Variants in ATAD2B observed in about 807,000 individuals in gnomAD.
ATAD2B encodes the protein ATPase family AAA domain containing 2B, also known as ATPase family AAA domain-containing protein 2B.
Under a neutral mutation model 167.6 loss-of-function variants are expected in ATAD2B, and 40 were observed. The ratio of observed to expected loss-of-function variants is 0.24; its 90% confidence interval spans 0.19 to 0.31. The LOEUF is 0.31. Ranked by LOEUF, ATAD2B falls within the 10% of genes least tolerant of loss-of-function variation. The pLI, the probability that ATAD2B is intolerant of heterozygous loss-of-function variation, is 1.00. For synonymous variants in ATAD2B, 579 were observed against 596.5 expected (o/e 0.97, Z 0.43); for missense variants, 1,242 against 1,757.2 (o/e 0.71, Z 5.24).
intron 13 of ATAD2B, among the ~76,000 whole-genome samples, chr2:23,849,579 C>G (rs1558654396): frequency 6.6e-6 from 1 of 152,200 alleles, no homozygotes; most frequent in Non-Finnish European, 1.5e-5. Flanking sequence ...CGCCTGTAAT[C>G]CCAGCACTGC....
At chr2:23,752,392 T>C (rs1411092452) in intron 27 of ATAD2B, among the ~76,000 whole-genome samples, 3 of 149,388 alleles carry the variant, frequency 2.0e-5, no homozygotes, top group Admixed American at 1.3e-4. Flanking sequence ...ATAAGGATGA[T>C]GATAGCAACA....
downstream of ATAD2B, among the ~76,000 whole-genome samples, chr2:23,744,708 C>T (rs1224452884): frequency 2.0e-5 from 3 of 152,116 alleles, no homozygotes; most frequent in Non-Finnish European, 2.9e-5. Flanking sequence ...CAAATTCAGA[C>T]AGTCTGACTC....
chr2:23,866,703 G>A (rs1695189901), intron 10 of ATAD2B, among the ~76,000 whole-genome samples: 1 of 151,984 alleles, frequency 6.6e-6, no homozygotes, highest in Non-Finnish European at 1.5e-5. Flanking sequence ...AATAAGATAA[G>A]CATTTTCCTC....
chr2:23,796,622 C>A (rs1476019902), intron 19 of ATAD2B, among the ~76,000 whole-genome samples: 1 of 152,052 alleles, frequency 6.6e-6, no homozygotes, highest in Admixed American at 6.6e-5. Context: ...TAACTCTTCT[C>A]TTTCTTTTTA....
chr2:23,914,177 G>C (rs72796326), intron 1 of ATAD2B, among the ~76,000 whole-genome samples: 1 of 152,018 alleles, frequency 6.6e-6, no homozygotes, highest in African/African-American at 2.4e-5. Context: ...AACAACATAC[G>C]TGAGAACTTA....
intron 17 of ATAD2B, among the ~76,000 whole-genome samples, chr2:23,819,166 C>T (rs1687053241): frequency 1.3e-5 from 2 of 152,036 alleles, no homozygotes; most frequent in South Asian, 2.1e-4. Flanking sequence ...CTTTCCTCTG[C>T]CTCCATGGGG....
chr2:23,700,844 CCACT>C, the ATAD2B span, among the ~76,000 whole-genome samples: 1 of 152,142 alleles, frequency 6.6e-6, no homozygotes, highest in Non-Finnish European at 1.5e-5. The surrounding 1 kb of genome is among the most constrained non-coding windows in gnomAD (Gnocchi z 4.6). Context: ...AGGGGCACAG[CCACT>C]CACTCGCTGT....
intron 1 of ATAD2B, among the ~76,000 whole-genome samples, chr2:23,914,856 A>AG (rs1298854849): frequency 6.6e-6 from 1 of 151,938 alleles, no homozygotes; most frequent in East Asian, 1.9e-4. Flanking sequence ...AAAAAAAAAA[A>AG]GAACTCTCAT....
chr2:23,874,000 A>C (rs923333125), intron 8 of ATAD2B, among the ~76,000 whole-genome samples: 1 of 152,124 alleles, frequency 6.6e-6, no homozygotes, highest in African/African-American at 2.4e-5. Flanking sequence ...CAGCCTGACC[A>C]ACATGGTGAA....
rs577422344 is a variant in ATAD2B, at chr2:23,854,674, G to A, written c.1568+2741C>T. On this transcript the variant is annotated intron_variant, in intron 13 of 27. Transcript: ENST00000238789. ...GCCTGGGGCACAAGATCGAGACTTC[G>A]TCTCAAAAAAAAAAAAAAAAGCTAA... 7.9e-5 allele frequency among the ~76,000 whole-genome samples: 11 copies of A among 138,494 alleles called. No homozygotes were observed. The South Asian group carries it at 9.2e-4, about 12-fold the overall frequency. The allele number at this position is 138,494 out of a possible 152,430, so 90.9% of individuals were successfully genotyped here.
intron 22 of ATAD2B, among the ~76,000 whole-genome samples, chr2:23,781,888 C>T (rs1235541654): frequency 6.6e-6 from 1 of 152,096 alleles, no homozygotes; most frequent in Non-Finnish European, 1.5e-5. Context: ...TCACAGCTCA[C>T]TGCAGCCTCA....
At chr2:23,920,584 G>A (rs773936101) in intron 1 of ATAD2B, among the ~76,000 whole-genome samples, 3 of 152,084 alleles carry the variant, frequency 2.0e-5, no homozygotes, top group Non-Finnish European at 2.9e-5. Context: ...TGGCATTTAG[G>A]GGGAAAGTAA....
At chr2:23,752,139 T>A (rs1675418185) in intron 27 of ATAD2B, 52 bp from the exon 28 acceptor site, 6 of 1,296,970 alleles carry the variant, frequency 4.6e-6, no homozygotes, top group Non-Finnish European at 6.5e-6. Flanking sequence ...GACAAAAGTG[T>A]TCCTCATTAC....
At chr2:23,698,372 C>T in the ATAD2B span, among the ~76,000 whole-genome samples, 6 of 152,216 alleles carry the variant, frequency 3.9e-5, no homozygotes, top group Admixed American at 6.5e-5. Flanking sequence ...GGAACGCTCA[C>T]TGCTTTCCAA....
intron 18 of ATAD2B, among the ~76,000 whole-genome samples, chr2:23,807,828 AAT>A (rs1382797971): frequency 0.027 from 3,248 of 119,020 alleles, 69 homozygotes; most frequent in South Asian, 0.046. Flanking sequence ...AAAAAAAAAA[AAT>A]ATATATATAT....
the ATAD2B span, among the ~76,000 whole-genome samples, chr2:23,714,900 G>A: frequency 2.3e-4 from 35 of 151,756 alleles, no homozygotes; most frequent in Non-Finnish European, 4.6e-4. Context: ...GGTAGCAGAA[G>A]GAATAAGATT....
rs1558590831 is a variant in ATAD2B at position 23,818,113 on chromosome 2, ACACACAC to A, written c.2267+1627_2267+1633del. Among the ~76,000 whole-genome samples the A allele has an allele frequency of 2.6e-4, 30 of 116,310 alleles. 2 individuals are homozygous for A. In the Middle Eastern group the frequency reaches 0.018, roughly 68 times the overall value. The allele number at this position is 116,310 out of a possible 152,430, so 76.3% of individuals were successfully genotyped here. ...ACACACATTACACACACACACACAC[ACACACAC>A]ATTACACACACACACACACACAGAG... On this transcript the variant is annotated intron_variant, in intron 17 of 27. Coordinates refer to ENST00000238789, the MANE Select transcript of ATAD2B (RefSeq NM_017552.4).
chr2:23,743,324 T>C, the ATAD2B span, among the ~76,000 whole-genome samples: 1 of 152,106 alleles, frequency 6.6e-6, no homozygotes, highest in South Asian at 2.1e-4. Flanking sequence ...CCCAGCACTT[T>C]GGGAGGCCGA....
intron 22 of ATAD2B, among the ~76,000 whole-genome samples, chr2:23,770,162 A>G (rs186571260): frequency 0.021 from 3,203 of 151,784 alleles, 46 homozygotes; most frequent in Non-Finnish European, 0.032. Context: ...ATACAAAAAA[A>G]AAAAATAGCT....
Sources: gnomAD v4.1 joint callset for allele counts (sites outside exome capture counted in the v4.1 genomes callset) on GRCh38, gnomAD v4.1.1 for gene constraint, Gnocchi (gnomAD v3.1) non-coding constraint, MANE v1.5 for transcripts, NCBI Gene and HGNC (gene_info 2026-07-23, HGNC 2026-07-21) for gene names.